The following QDPR variants were observed in gnomAD, a reference collection of about 807,000 sequenced individuals.
QDPR encodes the protein quinoid dihydropteridine reductase.
A neutral mutation model predicts 31.7 loss-of-function variants in QDPR; 23 were observed. The observed-to-expected ratio is 0.73, with a 90% CI of 0.52 to 1.03. The LOEUF is 1.03. Among genes scored for constraint, QDPR ranks in the 50% least tolerant of loss-of-function variants. QDPR has a pLI of 0.00. For missense variants in QDPR, 324 were observed against 323.8 expected, an observed-to-expected ratio of 1.00 and a Z score of 0.00; for synonymous variants, 124 against 124.7, an observed-to-expected ratio of 0.99 and a Z score of 0.03.
chr4:17,497,090 G>GCA (rs1276432224), intron 4 of QDPR, among the ~76,000 whole-genome samples: 1 of 152,072 alleles, frequency 6.6e-6, no homozygotes. Context: ...TGTGACATGG[G>GCA]CACACACTAG....
intron 2 of QDPR, among the ~76,000 whole-genome samples, chr4:17,508,755 T>G (rs891682220): frequency 3.9e-5 from 6 of 152,074 alleles, no homozygotes; most frequent in African/African-American, 1.2e-4. Flanking sequence ...AACAGTGAAC[T>G]AACTCAAAAT....
rs201763730 is a variant in QDPR, at chr4:17,498,995, CA to C, written c.436+2723del. On this transcript the variant is annotated intron_variant, in intron 4 of 6. Transcript: ENST00000281243. The stretch of plus-strand genomic sequence containing the variant: ...TCTAACTTAAGAGGTTAAAGATGAA[CA>C]AATTCATTAACATCTGAGGCAGAAC... Among the ~76,000 whole-genome samples, 233 of 152,238 alleles carry C rather than the reference CA, an allele frequency of 1.5e-3. 2 individuals carry two copies. Among genetic ancestry groups the C allele is most frequent in the African/African-American group, 5.4e-3 (225 of 41,540 alleles).
At chr4:17,506,207 G>T (rs1171797982) in intron 2 of QDPR, among the ~76,000 whole-genome samples, 1 of 152,118 alleles carries the variant, frequency 6.6e-6, no homozygotes, top group African/African-American at 2.4e-5. Context: ...TCGGCTCATT[G>T]CAACCTCTGC....
chr4:17,503,621 C>T (rs1045207381), intron 3 of QDPR, among the ~76,000 whole-genome samples: 1 of 152,184 alleles, frequency 6.6e-6, no homozygotes, highest in African/African-American at 2.4e-5. Flanking sequence ...GTTCTTTCAA[C>T]TTTTCTGGTA....
At chr4:17,496,075 G>C (rs907534289) in intron 4 of QDPR, among the ~76,000 whole-genome samples, 4 of 151,922 alleles carry the variant, frequency 2.6e-5, no homozygotes, top group Admixed American at 6.6e-5. Context: ...TTTCAGAAAA[G>C]AGCAATAGGT....
chr4:17,493,706 T>A (rs1718250935), intron 4 of QDPR, among the ~76,000 whole-genome samples: 1 of 152,204 alleles, frequency 6.6e-6, no homozygotes, highest in Non-Finnish European at 1.5e-5. Context: ...ACCCTCCCAG[T>A]GCCCTCCATG....
chr4:17,489,352 AT>A (rs766050049), intron 6 of QDPR, among the ~76,000 whole-genome samples: 21 of 152,338 alleles, frequency 1.4e-4, no homozygotes, highest in Middle Eastern at 6.8e-3. Flanking sequence ...CAGATGTTCC[AT>A]CTAGAGTAGG....
At chr4:17,488,985 TG>T (rs561468118) in intron 6 of QDPR, among the ~76,000 whole-genome samples, 127 of 152,328 alleles carry the variant, frequency 8.3e-4, no homozygotes, top group African/African-American at 2.9e-3. Flanking sequence ...TGGTTACACA[TG>T]TTTTTTTGTT....
chr4:17,496,099 G>A (rs1261707121), intron 4 of QDPR, among the ~76,000 whole-genome samples: 2 of 151,944 alleles, frequency 1.3e-5, no homozygotes, highest in African/African-American at 4.8e-5. Context: ...TTTCTCAAAG[G>A]AGGATAATGG....
intron 6 of QDPR, among the ~76,000 whole-genome samples, chr4:17,489,167 G>A (rs1304688540): frequency 6.6e-6 from 1 of 152,206 alleles, no homozygotes; most frequent in Non-Finnish European, 1.5e-5. Flanking sequence ...ATTCTAACCA[G>A]GGATGGTAGA....
chr4:17,492,342 T>A lies in QDPR; in HGVS notation c.437-2A>T. The stretch of plus-strand genomic sequence containing the variant: ...TGGCCATGCCGTACCCGATCATACC[T>A]GGGAAATGGGGAGAAGATGGCTCAG... On this transcript the variant is annotated splice_acceptor_variant, in intron 4 of 6. Transcript: ENST00000281243. LOFTEE classifies it high-confidence loss of function. The A allele has an allele frequency of 6.2e-7, 1 of 1,613,446 alleles. No individual in the cohort carries two copies. The highest frequency in any genetic ancestry group is 8.5e-7 in the Non-Finnish European group (1 of 1,179,406).
At chr4:17,501,170 C>T (rs1718548393) in intron 4 of QDPR, among the ~76,000 whole-genome samples, 2 of 152,114 alleles carry the variant, frequency 1.3e-5, no homozygotes, top group South Asian at 2.1e-4. Context: ...GAATCCACCC[C>T]CAACCCTCTC....
rs574428156 is a variant in QDPR at position 17,505,302 on chromosome 4, G to A, written c.199-827C>T. ...TCGCTTGTCTCCCAGGCTGGAGTGCGATGGCGCCATCTCGGCTCACTGCAA... is the reference window on the plus strand; with the variant it reads ...TCGCTTGTCTCCCAGGCTGGAGTGCAATGGCGCCATCTCGGCTCACTGCAA... On this transcript the variant is annotated intron_variant, in intron 2 of 6. Coordinates refer to ENST00000281243, the MANE Select transcript of QDPR (RefSeq NM_000320.3). Among the ~76,000 whole-genome samples the A allele has an allele frequency of 2.5e-4, 36 of 145,122 alleles. No individual in the cohort carries two copies. The South Asian group carries it at 6.8e-3, about 27-fold the overall frequency.
In QDPR at chr4:17,511,933, C is replaced by T. The variant is rs149373480; in HGVS notation, c.105+17G>A. 11,635 of 1,607,736 alleles carry T rather than the reference C, an allele frequency of 7.2e-3. 50 individuals carry two copies. The highest frequency in any genetic ancestry group is 0.021 in the Middle Eastern group (125 of 6,038). On this transcript the variant is annotated intron_variant, in intron 1 of 6. Transcript: ENST00000281243. ...CCACCCCCGCGGAGACCCAGCAGCC[C>T]CAGCCCGCAGCATTACCCAGTTGCG...
At chr4:17,496,329 C>T (rs1174476153) in intron 4 of QDPR, among the ~76,000 whole-genome samples, 1 of 151,074 alleles carries the variant, frequency 6.6e-6, no homozygotes, top group Non-Finnish European at 1.5e-5. Flanking sequence ...CCTGTAATCC[C>T]AGCTGCTCCA....
rs1205453792 is a variant in QDPR, at chr4:17,511,985, A to C, written c.70T>G (p.Ser24Ala). The C allele has an allele frequency of 5.6e-6, 9 of 1,610,502 alleles. No homozygotes were observed. The highest frequency in any genetic ancestry group is 6.8e-6 in the Non-Finnish European group (8 of 1,179,096). ...GCCCGAAAAGCCTGCACGCATCGAG[A>C]ACCCAGAGCGCCCCTGCCGCCGTAC... ...LVYGGRGALG[S>A]RCVQAFRARN... The change falls in exon 1 of 7, where the codon TCT becomes GCT. Residue 24 changes from serine (S) to alanine (A), a missense_variant. Coordinates refer to ENST00000281243, the MANE Select transcript of QDPR (RefSeq NM_000320.3).
At chr4:17,498,402 A>G (rs1331622792) in intron 4 of QDPR, among the ~76,000 whole-genome samples, 1 of 152,198 alleles carries the variant, frequency 6.6e-6, no homozygotes, top group African/African-American at 2.4e-5. Flanking sequence ...ATTAAAATAA[A>G]CCAGGGCATA....
intron 4 of QDPR, among the ~76,000 whole-genome samples, chr4:17,498,791 T>G (rs549348650): frequency 2.7e-4 from 41 of 152,332 alleles, no homozygotes; most frequent in Admixed American, 2.2e-3. Flanking sequence ...TGAGGTTTTC[T>G]CAGTATCCTT....
intron 1 of QDPR, chr4:17,509,836 C>G (rs1718941615): frequency 2.5e-6 from 1 of 407,234 alleles, no homozygotes; most frequent in South Asian, 1.8e-5. Context: ...TCCAAACACT[C>G]TACTCCGCCT....
Sources: gnomAD v4.1 joint callset for allele counts (sites outside exome capture counted in the v4.1 genomes callset) on GRCh38, gnomAD v4.1.1 for gene constraint, MANE v1.5 for transcripts, NCBI Gene and HGNC (gene_info 2026-07-23, HGNC 2026-07-21) for gene names.